Variants in VSTM2L observed in about 807,000 individuals in gnomAD.
VSTM2L encodes the protein V-set and transmembrane domain-containing protein 2-like protein.
VSTM2L carries 9 observed loss-of-function variants against 19.9 expected under a neutral mutation model. That is an observed-to-expected ratio of 0.45 (90% CI 0.27 to 0.79). The LOEUF (loss-of-function observed/expected upper bound fraction) is 0.79, where lower values mean the gene tolerates loss of function less well. Ranked by LOEUF, VSTM2L falls within the 30% of genes least tolerant of loss-of-function variation. VSTM2L has a pLI of 0.15. For missense variants in VSTM2L, 286 were observed against 295.5 expected, an observed-to-expected ratio of 0.97 and a Z score of 0.24; for synonymous variants, 127 against 133.8, an observed-to-expected ratio of 0.95 and a Z score of 0.35.
chr20:37,915,389 A>G (rs2072812699), intron 1 of VSTM2L, among the ~76,000 whole-genome samples: 1 of 151,948 alleles, frequency 6.6e-6, no homozygotes, highest in South Asian at 2.1e-4. Flanking sequence ...CCCTTCAGCC[A>G]TGAATTCTCT....
intron 1 of VSTM2L, among the ~76,000 whole-genome samples, chr20:37,912,160 T>C (rs2072783711): frequency 6.6e-6 from 1 of 152,204 alleles, no homozygotes; most frequent in Admixed American, 6.5e-5. Flanking sequence ...ACACAGATGC[T>C]GAACAGCAAA....
At position 37,931,705 on chromosome 20, in the gene VSTM2L, C is replaced by T. The variant is rs2072910668; in HGVS notation, c.192C>T (p.Phe64=). ...TGEDVEMACS[F]RGSGSPSYSL... is the part of the protein sequence containing the mutation. ...AGGACGTGGAGATGGCCTGCTCCTT[C>T]CGCGGCAGCGGCTCCCCCTCCTACT... The change falls in exon 2 of 4, where the codon TTC becomes TTT. Residue 64 remains phenylalanine (F), a synonymous_variant. Transcript: ENST00000373461. The T allele has an allele frequency of 6.2e-7, 1 of 1,613,632 alleles. No individual in the cohort carries two copies. The highest frequency in any genetic ancestry group is 8.5e-7 in the Non-Finnish European group (1 of 1,180,042).
intron 1 of VSTM2L, 117 bp downstream of exon 1, chr20:37,903,588 G>A: frequency 7.7e-7 from 1 of 1,300,368 alleles, no homozygotes; most frequent in Non-Finnish European, 9.8e-7. Context: ...GCATCCCGGG[G>A]CGCCCCCTGC....
At chr20:37,922,034 A>G (rs1352189884) in intron 1 of VSTM2L, among the ~76,000 whole-genome samples, 1 of 151,724 alleles carries the variant, frequency 6.6e-6, no homozygotes, top group Admixed American at 6.6e-5. Context: ...AAATTCTGGT[A>G]AAATATACAT....
intron 1 of VSTM2L, 92 bp downstream of exon 1, chr20:37,903,563 C>A: frequency 7.6e-7 from 1 of 1,315,534 alleles, no homozygotes; most frequent in Non-Finnish European, 9.7e-7. Flanking sequence ...CTCGAACCGG[C>A]GCCAGTCGTG....
At chr20:37,939,706 G>A (rs1017560848) in intron 3 of VSTM2L, among the ~76,000 whole-genome samples, 4 of 152,192 alleles carry the variant, frequency 2.6e-5, no homozygotes, top group African/African-American at 9.7e-5. Flanking sequence ...TAGGTTCTCC[G>A]TTAGACTGTC....
chr20:37,934,628 G>GGGGA (rs1224184810), intron 3 of VSTM2L, among the ~76,000 whole-genome samples: 1 of 152,156 alleles, frequency 6.6e-6, no homozygotes, highest in African/African-American at 2.4e-5. Context: ...AGGACTTGTA[G>GGGGA]GGGAGCTCAG....
In VSTM2L at chr20:37,924,447, G is replaced by A. The variant is rs6013449; in HGVS notation, c.122-7188G>A. ...GTGTGCCTGTAATCCCAAGCTACTC[G>A]AGAGGCTGAGGCAGGAGAATCGCTT... On this transcript the variant is annotated intron_variant, in intron 1 of 3. Coordinates refer to ENST00000373461, the MANE Select transcript of VSTM2L (RefSeq NM_080607.3). Among the ~76,000 whole-genome samples, 639 of 151,008 alleles carry A rather than the reference G, an allele frequency of 4.2e-3. 2 individuals are homozygous for A. Among genetic ancestry groups the A allele is most frequent in the East Asian group, 0.016 (82 of 5,144 alleles).
At chr20:37,914,154 T>C (rs143727757) in intron 1 of VSTM2L, among the ~76,000 whole-genome samples, 57 of 151,772 alleles carry the variant, frequency 3.8e-4, no homozygotes, top group African/African-American at 1.4e-3. Context: ...TGTGCGTGTG[T>C]GTATGTGTGT....
rs192934745 is a variant in VSTM2L at position 37,903,976 on chromosome 20, T to C, written c.121+505T>C. ...GCGCACACACACACAGGCACACACA[T>C]ACACACACATGAACACAATTTGCTC... On this transcript the variant is annotated intron_variant, in intron 1 of 3. Coordinates refer to ENST00000373461, the MANE Select transcript of VSTM2L (RefSeq NM_080607.3). 4.2e-3 allele frequency among the ~76,000 whole-genome samples: 627 copies of C among 150,498 alleles called. 1 individual carries two copies. The highest frequency in any genetic ancestry group is 0.015 in the African/African-American group (610 of 40,056).
Position 37,931,659 on chromosome 20 carries a change from A to G in VSTM2L, c.146A>G (p.Asp49Gly). 4 of 1,613,232 alleles carry G rather than the reference A, an allele frequency of 2.5e-6. No individual in the cohort carries two copies. The highest frequency in any genetic ancestry group is 3.4e-6 in the Non-Finnish European group (4 of 1,179,946). ...GCCCTGTTCACAGAGACACCCCATGACATGACAGCACGGACGGGCGAGGAC... is the reference window on the plus strand; with the variant it reads ...GCCCTGTTCACAGAGACACCCCATGGCATGACAGCACGGACGGGCGAGGAC... ...GHALFTETPH[D>G]MTARTGEDVE... Residue 49 changes from aspartate (D) to glycine (G), a missense_variant, in exon 2 of 4, where the codon GAC (aspartate) becomes GGC (glycine). Physicochemically the swap from Asp to Gly is moderately conservative, Grantham distance 94. Coordinates refer to ENST00000373461, the MANE Select transcript of VSTM2L (RefSeq NM_080607.3).
At chr20:37,913,306 G>T (rs1166194000) in intron 1 of VSTM2L, among the ~76,000 whole-genome samples, 1 of 152,164 alleles carries the variant, frequency 6.6e-6, no homozygotes, top group Non-Finnish European at 1.5e-5. Flanking sequence ...GGCCCCCAAA[G>T]CCTGTCTCTG....
At chr20:37,921,128 C>T (rs1305885955) in intron 1 of VSTM2L, among the ~76,000 whole-genome samples, 1 of 152,200 alleles carries the variant, frequency 6.6e-6, no homozygotes. Flanking sequence ...CACTCCAGGG[C>T]AGGGAGAGGC....
chr20:37,913,777 C>G (rs896602096), intron 1 of VSTM2L, among the ~76,000 whole-genome samples: 1 of 152,164 alleles, frequency 6.6e-6, no homozygotes, highest in Non-Finnish European at 1.5e-5. Context: ...CGTGGAGAAC[C>G]ATGTGCATGT....
chr20:37,909,193 A>G (rs547988853), intron 1 of VSTM2L, among the ~76,000 whole-genome samples: 23 of 152,346 alleles, frequency 1.5e-4, no homozygotes, highest in African/African-American at 5.3e-4. Flanking sequence ...GGCGAGCAGC[A>G]GTGGGAACAG....
intron 1 of VSTM2L, among the ~76,000 whole-genome samples, chr20:37,917,021 T>G (rs1021530716): frequency 2.6e-5 from 4 of 152,052 alleles, no homozygotes; most frequent in Non-Finnish European, 5.9e-5. Context: ...CACTTTAAAG[T>G]GGTTAATTTT....
At chr20:37,921,156 G>A (rs541162031) in intron 1 of VSTM2L, among the ~76,000 whole-genome samples, 14 of 152,268 alleles carry the variant, frequency 9.2e-5, no homozygotes, top group Admixed American at 8.5e-4. Flanking sequence ...GAGACCTCTG[G>A]GGGCACCAAG....
intron 3 of VSTM2L, among the ~76,000 whole-genome samples, chr20:37,938,882 G>T (rs939355049): frequency 3.3e-5 from 5 of 152,170 alleles, no homozygotes; most frequent in Admixed American, 1.3e-4. Flanking sequence ...TCCCGTGGGA[G>T]AGGCCTCTGA....
In VSTM2L at chr20:37,931,679, G is replaced by A. The variant is rs751853698; in HGVS notation, c.166G>A (p.Glu56Lys). 8.1e-6 allele frequency: 13 copies of A among 1,613,418 alleles called. No individual in the cohort carries two copies. Among genetic ancestry groups the A allele is most frequent in the South Asian group, 1.1e-5 (1 of 91,084 alleles). The change falls in exon 2 of 4, where the codon GAG becomes AAG. Residue 56 changes from glutamate (E) to lysine (K), a missense_variant. Coordinates refer to ENST00000373461, the MANE Select transcript of VSTM2L (RefSeq NM_080607.3). The part of the protein sequence containing the change: ...TPHDMTARTG[E>K]DVEMACSFRG... ...CCATGACATGACAGCACGGACGGGC[G>A]AGGACGTGGAGATGGCCTGCTCCTT...
Sources: allele counts gnomAD v4.1 joint callset (sites outside exome capture counted in the v4.1 genomes callset), GRCh38; gene constraint gnomAD v4.1.1; transcripts MANE v1.5; gene names NCBI Gene and HGNC (gene_info 2026-07-23, HGNC 2026-07-21).